LLPH: variants seen among roughly 807,000 people sequenced by gnomAD.
The protein encoded by LLPH is protein LLP homolog.
Under a neutral mutation model 13.3 loss-of-function variants are expected in LLPH, and 5 were observed. The ratio of observed to expected loss-of-function variants is 0.38; its 90% confidence interval spans 0.20 to 0.79. The LOEUF is 0.79. LLPH is among the 30% of genes least tolerant of loss of function. The pLI, the probability that LLPH is intolerant of heterozygous loss-of-function variation, is 0.45. For missense variants in LLPH, 129 were observed against 152.1 expected, an observed-to-expected ratio of 0.85 and a Z score of 0.80; for synonymous variants, 32 against 44.2, an observed-to-expected ratio of 0.72 and a Z score of 1.09.
Position 66,121,958 on chromosome 12 carries a change from T to C in LLPH, c.*1882A>G, listed in dbSNP as rs1382325667. The C allele has an allele frequency of 6.6e-6, 1 of 151,934 alleles. No homozygotes were observed. Among genetic ancestry groups the C allele is most frequent in the Non-Finnish European group, 1.5e-5 (1 of 67,996 alleles). The allele number at this position is 151,934 out of a possible 1,614,324, so 9.4% of individuals were successfully genotyped here. ...TGATATTGTCAGTGGCTTAACTGGT[T>C]GTTTGCAATTTTTTTTATTTTATGA... On this transcript the variant is annotated 3_prime_UTR_variant, in exon 3 of 3. Coordinates refer to ENST00000266604, the MANE Select transcript of LLPH (RefSeq NM_032338.4).
chr12:66,123,949 G>A lies in LLPH; in HGVS notation c.281C>T (p.Pro94Leu), dbSNP rs1034135315. Residue 94 changes from proline to leucine, a missense_variant, in exon 3 of 3, where the codon CCA becomes CTA. By Grantham distance (98) the Pro-to-Leu change is moderately conservative. Transcript: ENST00000266604. The part of the protein sequence containing the change: ...KTLLDQHGQY[P>L]IWMNQRQRKR... ...TCTTTGCCTTTGGTTCATCCATATTGGGTACTGTCCATGCTGGTCTAGAAG... is the reference window on the plus strand; with the variant it reads ...TCTTTGCCTTTGGTTCATCCATATTAGGTACTGTCCATGCTGGTCTAGAAG... The A allele has an allele frequency of 2.5e-6, 4 of 1,612,120 alleles. No individual in the cohort carries two copies. The highest frequency in any genetic ancestry group is 3.4e-6 in the Non-Finnish European group (4 of 1,178,574).
At position 66,119,493 on chromosome 12, in the gene LLPH, C is replaced by T. The variant is rs1320083187; in HGVS notation, c.*4347G>A. The T allele has an allele frequency of 5.3e-5, 8 of 152,102 alleles. No homozygotes were observed. Among genetic ancestry groups the T allele is most frequent in the Non-Finnish European group, 1.2e-4 (8 of 68,022 alleles). 9.4% of individuals were successfully genotyped at this position (152,102 alleles called of 1,614,324 possible). ...GACCTGATGTAAGTATTTAACAGTC[C>T]CACCTCACCCCTAAACATTTCCTTG... On this transcript the variant is annotated 3_prime_UTR_variant, in exon 3 of 3. Transcript: ENST00000266604.
chr12:66,129,204 C>T, intron 1 of LLPH, 91 bp from the exon 2 acceptor site: 1 of 803,846 alleles, frequency 1.2e-6, no homozygotes. Context: ...CAACAGGTAT[C>T]TCTACAAAAC....
At chr12:66,126,154 C>T (rs2136829706) in intron 2 of LLPH, among the ~76,000 whole-genome samples, 1 of 151,940 alleles carries the variant, frequency 6.6e-6, no homozygotes, top group East Asian at 2.0e-4. Flanking sequence ...GAAACCCCGT[C>T]TCCACTAAAA....
chr12:66,125,018 G>A (rs1228674738), intron 2 of LLPH, among the ~76,000 whole-genome samples: 1 of 152,132 alleles, frequency 6.6e-6, no homozygotes, highest in Non-Finnish European at 1.5e-5. Flanking sequence ...GGTCACGCCT[G>A]TGAACAGCCA....
rs2051453273 is a variant in LLPH, at chr12:66,120,038, G to A, written c.*3802C>T. The A allele has an allele frequency of 6.6e-6, 1 of 152,204 alleles. No homozygotes were observed. Among genetic ancestry groups the A allele is most frequent in the Non-Finnish European group, 1.5e-5 (1 of 68,036 alleles). 9.4% of individuals were successfully genotyped at this position (152,204 alleles called of 1,614,324 possible). A position where few individuals can be genotyped will look rare whatever the true frequency, so the allele number is the denominator to read the frequency against. On this transcript the variant is annotated 3_prime_UTR_variant, in exon 3 of 3. Transcript: ENST00000266604. Reference sequence around the variant, plus strand: ...AACCACTACTTGATTCTACCTTAGAGCTTCAACTGCAGTTTGCATTTCTTC... The same window carrying A: ...AACCACTACTTGATTCTACCTTAGAACTTCAACTGCAGTTTGCATTTCTTC...
At position 66,129,063 on chromosome 12, in the gene LLPH, G is replaced by A; in HGVS notation, c.44C>T (p.Ala15Val). Reference protein sequence around the residue: ...LRSKWKRKMRAEKRKKNAPKE... With the variant: ...LRSKWKRKMRVEKRKKNAPKE... ...TGGGGCATTCTTTTTTCTCTTTTCA[G>A]CACGCATCTTTCTTTTCCACTTACT... The change falls in exon 2 of 3, where the codon GCT becomes GTT. Residue 15 changes from alanine to valine, a missense_variant. By Grantham distance (64) the Ala-to-Val change is moderately conservative (BLOSUM62 0). Transcript: ENST00000266604. 1 of 1,612,500 alleles carries A rather than the reference G, an allele frequency of 6.2e-7. No homozygotes were observed. Among genetic ancestry groups the A allele is most frequent in the South Asian group, 1.1e-5 (1 of 90,824 alleles).
chr12:66,129,314 G>A (rs2051518539), intron 1 of LLPH, among the ~76,000 whole-genome samples: 2 of 151,830 alleles, frequency 1.3e-5, no homozygotes, highest in African/African-American at 4.8e-5. Flanking sequence ...TAAATAACAA[G>A]ATATCAAATC....
intron 2 of LLPH, among the ~76,000 whole-genome samples, chr12:66,127,417 T>C (rs1475167745): frequency 1.3e-5 from 2 of 152,176 alleles, no homozygotes; most frequent in African/African-American, 2.4e-5. Context: ...GGCACAAAGG[T>C]CTCATTATAT....
chr12:66,121,883 C>CAAAAAAAAAA lies in LLPH; in HGVS notation c.*1947_*1956dup, dbSNP rs368455022. ...TGGGTGACAGAGTGAGACCCCATCTCAAAAAAAAAAAAAAAAAAAACATAA... is the reference window on the plus strand; with the variant it reads ...TGGGTGACAGAGTGAGACCCCATCTCAAAAAAAAAAAAAAAAAAAAAAAAAAAAAACATAA... On this transcript the variant is annotated 3_prime_UTR_variant, in exon 3 of 3. Coordinates refer to ENST00000266604, the MANE Select transcript of LLPH (RefSeq NM_032338.4). 1.4e-5 allele frequency: 1 copy of CAAAAAAAAAA among 73,136 alleles called. No homozygotes were observed. The highest frequency in any genetic ancestry group is 6.3e-4 in the East Asian group (1 of 1,586). 4.5% of individuals were successfully genotyped at this position (73,136 alleles called of 1,614,324 possible).
Position 66,120,628 on chromosome 12 carries a change from GCTCA to G in LLPH, c.*3208_*3211del, listed in dbSNP as rs1264898159. ...TACATTCAATTCCTAATGTGATTTA[GCTCA>G]CTCAATCTAATTCCAAAATGATTTG... On this transcript the variant is annotated 3_prime_UTR_variant, in exon 3 of 3. Coordinates refer to ENST00000266604, the MANE Select transcript of LLPH (RefSeq NM_032338.4). 7.9e-5 allele frequency: 12 copies of G among 152,072 alleles called. No homozygotes were observed. Among genetic ancestry groups the G allele is most frequent in the Non-Finnish European group, 1.8e-4 (12 of 68,012 alleles). The allele number at this position is 152,072 out of a possible 1,614,324, so 9.4% of individuals were successfully genotyped here.
At chr12:66,125,739 C>G (rs1032261843) in intron 2 of LLPH, among the ~76,000 whole-genome samples, 1 of 152,200 alleles carries the variant, frequency 6.6e-6, no homozygotes, top group Non-Finnish European at 1.5e-5. Flanking sequence ...CACCTTGTCT[C>G]CCTCCAGCTT....
Position 66,123,457 on chromosome 12 carries a change from CA to C in LLPH, c.*382del, listed in dbSNP as rs1468521664. ...AGTATTTTTAAATGATATGATTATA[CA>C]ACAACTTTCTTTAAAATCTAAGTTC... On this transcript the variant is annotated 3_prime_UTR_variant, in exon 3 of 3. Transcript: ENST00000266604. The C allele has an allele frequency of 1.1e-5, 2 of 181,776 alleles. No individual in the cohort carries two copies. Among genetic ancestry groups the C allele is most frequent in the African/African-American group, 4.7e-5 (2 of 42,152 alleles). 11.3% of individuals were successfully genotyped at this position (181,776 alleles called of 1,614,324 possible). A position where few individuals can be genotyped will look rare whatever the true frequency, so the allele number is the denominator to read the frequency against.
Position 66,120,386 on chromosome 12 carries a change from A to G in LLPH, c.*3454T>C, listed in dbSNP as rs1237162156. On this transcript the variant is annotated 3_prime_UTR_variant, in exon 3 of 3. Coordinates refer to ENST00000266604, the MANE Select transcript of LLPH (RefSeq NM_032338.4). ...ATAGGCTCTAGAGCCACACTGCCTA[A>G]ATTTGAATCCCAGATTTCAGTTTTA... 6.6e-6 allele frequency: 1 copy of G among 152,212 alleles called. No individual in the cohort carries two copies. Among genetic ancestry groups the G allele is most frequent in the East Asian group, 1.9e-4 (1 of 5,200 alleles). 9.4% of individuals were successfully genotyped at this position (152,212 alleles called of 1,614,324 possible).
chr12:66,123,249 G>A lies in LLPH; in HGVS notation c.*591C>T, dbSNP rs541856902. The A allele has an allele frequency of 1.3e-5, 2 of 152,206 alleles. No individual in the cohort carries two copies. The highest frequency in any genetic ancestry group is 4.8e-5 in the African/African-American group (2 of 41,456). 9.4% of individuals were successfully genotyped at this position (152,206 alleles called of 1,614,324 possible). A position where few individuals can be genotyped will look rare whatever the true frequency, so the allele number is the denominator to read the frequency against. ...GGGTTCAAGCAATTATCCTGCCTCA[G>A]CCTCCCGAGTAGCTGGAACTACAGG... On this transcript the variant is annotated 3_prime_UTR_variant, in exon 3 of 3. Transcript: ENST00000266604.
Position 66,122,481 on chromosome 12 carries a change from G to A in LLPH, c.*1359C>T, listed in dbSNP as rs139471215. On this transcript the variant is annotated 3_prime_UTR_variant, in exon 3 of 3. Transcript: ENST00000266604. ...TGGAAAGTCCCTGGCCCACATACTA[G>A]GCACTCAGTAAGTATTTGGTTGTTC... 1 of 152,184 alleles carries A rather than the reference G, an allele frequency of 6.6e-6. No individual in the cohort carries two copies. Among genetic ancestry groups the A allele is most frequent in the Non-Finnish European group, 1.5e-5 (1 of 68,018 alleles). The allele number at this position is 152,184 out of a possible 1,614,324, so 9.4% of individuals were successfully genotyped here. A position where few individuals can be genotyped will look rare whatever the true frequency, so the allele number is the denominator to read the frequency against.
chr12:66,130,000 T>C (rs897560433), intron 1 of LLPH, among the ~76,000 whole-genome samples: 9 of 152,286 alleles, frequency 5.9e-5, no homozygotes, highest in African/African-American at 1.9e-4. Flanking sequence ...AGGTCATTTG[T>C]GATCTGTCCC....
In LLPH at chr12:66,119,112, C is replaced by T. The variant is rs1220783091; in HGVS notation, c.*4728G>A. 6.6e-6 allele frequency: 1 copy of T among 152,174 alleles called. No homozygotes were observed. The highest frequency in any genetic ancestry group is 1.5e-5 in the Non-Finnish European group (1 of 68,032). The allele number at this position is 152,174 out of a possible 1,614,324, so 9.4% of individuals were successfully genotyped here. On this transcript the variant is annotated 3_prime_UTR_variant, in exon 3 of 3. Transcript: ENST00000266604. The stretch of plus-strand genomic sequence containing the variant: ...TCTGGGACAGGCGGCTTGCTCACTA[C>T]TTAGCAGTTGCATGACTTTGGGTAA...
chr12:66,128,189 A>G (rs1592526163), intron 2 of LLPH, among the ~76,000 whole-genome samples: 1 of 151,842 alleles, frequency 6.6e-6, no homozygotes, highest in Non-Finnish European at 1.5e-5. Context: ...AAGGGAAAAA[A>G]CCCCCTAAGG....
Sources: allele counts gnomAD v4.1 joint callset (sites outside exome capture counted in the v4.1 genomes callset), GRCh38; gene constraint gnomAD v4.1.1; transcripts MANE v1.5; gene names NCBI Gene and HGNC (gene_info 2026-07-23, HGNC 2026-07-21).